The following FBN1 variants were observed in gnomAD, a reference collection of about 807,000 sequenced individuals.
FBN1 encodes fibrillin 1, also known as fibrillin-1.
In FBN1, 29 loss-of-function variants were observed where a neutral mutation model predicts 365.1. The ratio of observed to expected loss-of-function variants is 0.08; its 90% CI spans 0.06 to 0.11. The LOEUF (loss-of-function observed/expected upper bound fraction) is 0.11. FBN1 is among the 10% of genes least tolerant of loss of function. FBN1 has a pLI of 1.00. For synonymous variants in FBN1, 1,210 were observed against 1,270.5 expected (o/e 0.95, Z 1.01); for missense variants, 2,476 against 3,703.2 (o/e 0.67, Z 8.60).
chr15:48,447,113 C>T (rs1485080262), intron 46 of FBN1, among the ~76,000 whole-genome samples: 1 of 152,118 alleles, frequency 6.6e-6, no homozygotes, highest in African/African-American at 2.4e-5. Context: ...TAGAATTCTC[C>T]ACCCTTGCCA....
At chr15:48,468,146 C>T in intron 37 of FBN1, 44 bp from the exon 38 acceptor site, 4 of 1,610,060 alleles carry the variant, frequency 2.5e-6, no homozygotes, top group Non-Finnish European at 3.4e-6. Flanking sequence ...CAGAATCTTT[C>T]TACTGGGGTT....
At position 48,445,406 on chromosome 15, in the gene FBN1, CAT is replaced by C. The variant is rs756983687; in HGVS notation, c.5885_5886del (p.Tyr1962Ter). 6.2e-7 allele frequency: 1 copy of C among 1,612,766 alleles called. No individual in the cohort carries two copies. Among genetic ancestry groups the C allele is most frequent in the South Asian group, 1.1e-5 (1 of 91,056 alleles). ...GSFQCQCNEGYEVAPDGRTCV... is the reference protein window; with the variant it reads ...GSFQCQCNEGXEVAPDGRTCV... ...CAGGTCCTCCCATCTGGAGCCACCT[CAT>C]AGCCTTCATTGCACTGGCACTGGAA... is the stretch of plus-strand genomic sequence containing the variant. On this transcript the variant is annotated frameshift_variant, in exon 48 of 66. Transcript: ENST00000316623. LOFTEE classifies it high-confidence loss of function.
chr15:48,640,459 T>C (rs1890178628), intron 2 of FBN1, among the ~76,000 whole-genome samples: 1 of 152,208 alleles, frequency 6.6e-6, no homozygotes, highest in Non-Finnish European at 1.5e-5. Context: ...CTTTATAAAG[T>C]AAAATGGACT....
chr15:48,437,525 G>A (rs1342581442), intron 51 of FBN1, 138 bp from the exon 52 acceptor site: 4 of 879,590 alleles, frequency 4.5e-6, no homozygotes, highest in Non-Finnish European at 7.3e-6. Context: ...GAAACCAGAG[G>A]AAGTTATTTA....
chr15:48,522,244 C>T (rs779407702), intron 9 of FBN1, among the ~76,000 whole-genome samples: 10 of 152,056 alleles, frequency 6.6e-5, no homozygotes, highest in Admixed American at 2.0e-4. Flanking sequence ...TTACATATTA[C>T]AATTTAATAT....
At chr15:48,520,953 G>C (rs2043849664) in intron 9 of FBN1, 136 bp from the exon 10 acceptor site, 1 of 1,183,722 alleles carries the variant, frequency 8.4e-7, no homozygotes, top group African/African-American at 1.5e-5. Flanking sequence ...CCCCGGAAGG[G>C]AAGCTGCGAG....
At chr15:48,524,507 C>T (rs1466085812) in intron 9 of FBN1, among the ~76,000 whole-genome samples, 2 of 152,108 alleles carry the variant, frequency 1.3e-5, no homozygotes, top group African/African-American at 2.4e-5. Flanking sequence ...AATAGGAGCA[C>T]CAGAAGGCAG....
chr15:48,492,393 CTTG>C (rs1566910887), intron 24 of FBN1, 65 bp downstream of exon 24: 1 of 1,522,884 alleles, frequency 6.6e-7, no homozygotes, highest in Non-Finnish European at 9.1e-7. Context: ...TCAGCTATAT[CTTG>C]TTAACTTCAT....
intron 44 of FBN1, among the ~76,000 whole-genome samples, chr15:48,456,168 T>C (rs2043236397): frequency 6.6e-6 from 1 of 152,230 alleles, no homozygotes; most frequent in African/African-American, 2.4e-5. Flanking sequence ...TCATATAAAA[T>C]CAAATTTGCT....
At chr15:48,515,156 G>A (rs2043790105) in intron 12 of FBN1, among the ~76,000 whole-genome samples, 1 of 152,176 alleles carries the variant, frequency 6.6e-6, no homozygotes, top group African/African-American at 2.4e-5. Flanking sequence ...CAAAGAGATG[G>A]ATTCCTCCCA....
At chr15:48,640,599 G>T (rs1467035727) in intron 2 of FBN1, among the ~76,000 whole-genome samples, 1 of 152,094 alleles carries the variant, frequency 6.6e-6, no homozygotes, top group Non-Finnish European at 1.5e-5. Flanking sequence ...TGTTCCATGT[G>T]TATTTTTCTG....
chr15:48,442,645 G>A (rs1367393770), intron 49 of FBN1, among the ~76,000 whole-genome samples: 1 of 152,080 alleles, frequency 6.6e-6, no homozygotes, highest in Non-Finnish European at 1.5e-5. Flanking sequence ...TTTGCCTGGG[G>A]GAGCCCCAGC....
rs758748297 is a variant in FBN1 at position 48,412,616 on chromosome 15, C to T, written c.8179G>A (p.Gly2727Ser). The change falls in exon 65 of 66, where the codon GGC (glycine) becomes AGC (serine). Residue 2727 changes from glycine to serine, a missense_variant. Physicochemically the swap from Gly to Ser is moderately conservative, Grantham distance 56. This residue lies in a region of FBN1 where 177 missense variants were observed against 192.7 expected (regional missense o/e 0.92). Transcript: ENST00000316623. ...ECKINGYPKR[G>S]RKRRSTNETD... The stretch of plus-strand genomic sequence containing the variant: ...TCGTTTGTGCTTCTCCGTTTCCTGC[C>T]CCGTTTGGGGTAGCCATTGATCTTA... The T allele has an allele frequency of 5.1e-5, 82 of 1,614,084 alleles. No individual in the cohort carries two copies. Among genetic ancestry groups the T allele is most frequent in the Non-Finnish European group, 6.8e-5 (80 of 1,180,036 alleles).
At position 48,448,855 on chromosome 15, in the gene FBN1, G is replaced by T; in HGVS notation, c.5584C>A (p.His1862Asn). ...CCAACTGTGTCAATGCACTGCCCAT[G>T]ACTGCATATATTGGGGATTTCTTGA... Reference protein sequence around the residue: ...ECQEIPNICSHGQCIDTVGSF... With the variant: ...ECQEIPNICSNGQCIDTVGSF... The change falls in exon 46 of 66, where the codon CAT becomes AAT. Residue 1862 changes from histidine (H) to asparagine (N), a missense_variant. By Grantham distance (68) the His-to-Asn change is moderately conservative. Around this residue, in one of 5 missense-constraint regions of FBN1, gnomAD observed 1,780 missense variants for 2,840.8 expected, o/e 0.63. Transcript: ENST00000316623. The T allele has an allele frequency of 6.2e-7, 1 of 1,611,650 alleles. No individual in the cohort carries two copies. The highest frequency in any genetic ancestry group is 1.1e-5 in the South Asian group (1 of 90,992).
intron 6 of FBN1, among the ~76,000 whole-genome samples, chr15:48,557,528 G>C (rs1205740998): frequency 6.6e-6 from 1 of 152,114 alleles, no homozygotes; most frequent in African/African-American, 2.4e-5. Context: ...CAGCCAGAAG[G>C]GTCTGTCTAA....
intron 13 of FBN1, among the ~76,000 whole-genome samples, chr15:48,511,913 T>C (rs1284753066): frequency 6.6e-6 from 1 of 152,212 alleles, no homozygotes; most frequent in Non-Finnish European, 1.5e-5. Context: ...TCTCTGGACA[T>C]TGATTTCATT....
intron 2 of FBN1, 155 bp downstream of exon 2, chr15:48,644,451 C>T (rs1890253343): frequency 2.0e-6 from 2 of 995,818 alleles, no homozygotes; most frequent in Admixed American, 2.0e-5. Context: ...GTAGTTTAAC[C>T]ACGAACGGGG....
rs16961063 is a variant in FBN1 at position 48,513,477 on chromosome 15, T to C, written c.1588+72A>G. On this transcript the variant is annotated intron_variant, in intron 13 of 65. Coordinates refer to ENST00000316623, the MANE Select transcript of FBN1 (RefSeq NM_000138.5). Reference sequence around the variant, plus strand: ...TCCGGCATGGGTTATTTAAACTCCATGGAACTCCTTTGAAGCCAACCCCCA... The same window carrying C: ...TCCGGCATGGGTTATTTAAACTCCACGGAACTCCTTTGAAGCCAACCCCCA... The C allele has an allele frequency of 2.4e-3, 3,792 of 1,610,636 alleles. 94 individuals are homozygous for C. The African/African-American group carries it at 0.045, about 19-fold the overall frequency.
intron 38 of FBN1, among the ~76,000 whole-genome samples, chr15:48,466,296 A>C (rs1211677154): frequency 6.6e-6 from 1 of 152,220 alleles, no homozygotes; most frequent in African/African-American, 2.4e-5. Flanking sequence ...ATAGAGCCTT[A>C]GGAAAAGCTG....
Sources: allele counts gnomAD v4.1 joint callset (sites outside exome capture counted in the v4.1 genomes callset), GRCh38; gene constraint gnomAD v4.1.1; regional missense constraint gnomAD v4.1.1; transcripts MANE v1.5; gene names NCBI Gene and HGNC (gene_info 2026-07-23, HGNC 2026-07-21).